Variants in TTC28 observed in about 807,000 individuals in gnomAD.
TTC28 encodes the protein tetratricopeptide repeat domain 28.
A neutral mutation model predicts 198.0 loss-of-function variants in TTC28; 61 were observed. The observed-to-expected ratio is 0.31, with a 90% CI of 0.25 to 0.38. The LOEUF (loss-of-function observed/expected upper bound fraction) is 0.38. Among genes scored for constraint, TTC28 ranks in the 10% least tolerant of loss-of-function variants. The probability of loss-of-function intolerance (pLI) is 1.00; values close to 1 mark genes in which losing one functional copy is unlikely to be tolerated. For missense variants in TTC28, 2,678 were observed against 3,164.0 expected, an observed-to-expected ratio of 0.85 and a Z score of 3.69; for synonymous variants, 1,171 against 1,297.8, an observed-to-expected ratio of 0.90 and a Z score of 2.10.
chr22:28,568,314 T>C (rs970014391), intron 2 of TTC28, among the ~76,000 whole-genome samples: 6 of 152,194 alleles, frequency 3.9e-5, no homozygotes, highest in Admixed American at 3.9e-4. Context: ...AATGTGAATA[T>C]GGTTAATGCC....
intron 5 of TTC28, among the ~76,000 whole-genome samples, chr22:28,291,313 T>G (rs1490758471): frequency 6.6e-6 from 1 of 151,922 alleles, no homozygotes; most frequent in Admixed American, 6.6e-5. Context: ...GCCTAACAGC[T>G]CAGTGGGATG....
At chr22:28,464,280 A>C (rs2047989337) in intron 2 of TTC28, among the ~76,000 whole-genome samples, 1 of 152,224 alleles carries the variant, frequency 6.6e-6, no homozygotes, top group Admixed American at 6.5e-5. Flanking sequence ...GTGATACTGG[A>C]GTTTTAAATT....
intron 2 of TTC28, among the ~76,000 whole-genome samples, chr22:28,499,854 T>C (rs536504646): frequency 2.1e-4 from 32 of 152,130 alleles, no homozygotes; most frequent in South Asian, 2.1e-4. Flanking sequence ...CACAGTGACA[T>C]TGCAATACAT....
intron 2 of TTC28, among the ~76,000 whole-genome samples, chr22:28,477,731 G>C (rs1053980155): frequency 9.2e-5 from 14 of 152,130 alleles, no homozygotes; most frequent in Non-Finnish European, 1.8e-4. Flanking sequence ...TGACCAATGG[G>C]ATGTCAGCAA....
At chr22:28,322,014 TA>T in intron 2 of TTC28, among the ~76,000 whole-genome samples, 1 of 152,278 alleles carries the variant, frequency 6.6e-6, no homozygotes, top group East Asian at 1.9e-4. Context: ...GTATTTTTAG[TA>T]GAGACAGGGT....
chr22:28,458,138 G>T (rs1365074707), intron 2 of TTC28, among the ~76,000 whole-genome samples: 1 of 151,992 alleles, frequency 6.6e-6, no homozygotes, highest in Non-Finnish European at 1.5e-5. Context: ...AAATATGTTT[G>T]CTGTGTTTTT....
At chr22:28,153,389 A>G (rs1279718987) in intron 6 of TTC28, among the ~76,000 whole-genome samples, 1 of 144,864 alleles carries the variant, frequency 6.9e-6, no homozygotes, top group East Asian at 2.0e-4. Context: ...CAGAAACTCA[A>G]AGAATTAAAA....
At chr22:28,403,269 C>T (rs2046946907) in intron 2 of TTC28, among the ~76,000 whole-genome samples, 1 of 152,194 alleles carries the variant, frequency 6.6e-6, no homozygotes, top group Non-Finnish European at 1.5e-5. Context: ...AAGGCTGACA[C>T]ATGGAAAAAC....
At chr22:28,421,485 T>C (rs1601375377) in intron 2 of TTC28, among the ~76,000 whole-genome samples, 1 of 152,304 alleles carries the variant, frequency 6.6e-6, no homozygotes, top group Non-Finnish European at 1.5e-5. Flanking sequence ...ATTTCTCTGA[T>C]GACTAATGAG....
chr22:28,450,988 A>G (rs558423901), intron 2 of TTC28, among the ~76,000 whole-genome samples: 189 of 152,302 alleles, frequency 1.2e-3, no homozygotes, highest in African/African-American at 3.9e-3. Context: ...GAGTTGAGAA[A>G]ACAGAGATCA....
chr22:28,038,697 C>T (rs1939470676), intron 12 of TTC28, among the ~76,000 whole-genome samples: 1 of 152,164 alleles, frequency 6.6e-6, no homozygotes, highest in African/African-American at 2.4e-5. Context: ...AGAGCTTCTG[C>T]ACAGCAAAAG....
At chr22:28,532,818 C>A (rs1474030305) in intron 2 of TTC28, among the ~76,000 whole-genome samples, 1 of 152,168 alleles carries the variant, frequency 6.6e-6, no homozygotes, top group Non-Finnish European at 1.5e-5. Context: ...ACATGATTAT[C>A]TCAATAGATG....
Position 28,032,168 on chromosome 22 carries a change from G to GTA in TTC28, c.3933-1804_3933-1803dup, listed in dbSNP as rs375645095. Among the ~76,000 whole-genome samples the GTA allele has an allele frequency of 7.5e-3, 678 of 91,006 alleles. 9 individuals are homozygous for GTA. Among genetic ancestry groups the GTA allele is most frequent in the Middle Eastern group, 0.014 (2 of 142 alleles). 59.7% of individuals were successfully genotyped at this position (91,006 alleles called of 152,430 possible). A position where few individuals can be genotyped will look rare whatever the true frequency, so the allele number is the denominator to read the frequency against. ...TCCTATTTATATCTACTTAGTGTGT[G>GTA]TATATATATATATATATATAAAATA... On this transcript the variant is annotated intron_variant, in intron 12 of 22. Coordinates refer to ENST00000397906, the MANE Select transcript of TTC28 (RefSeq NM_001145418.2).
chr22:28,478,987 A>G (rs2146317321), intron 2 of TTC28, among the ~76,000 whole-genome samples: 1 of 152,312 alleles, frequency 6.6e-6, no homozygotes, highest in East Asian at 1.9e-4. Flanking sequence ...ATGCCAACTT[A>G]TAAACTCCAT....
chr22:28,134,595 T>C (rs1310526215), intron 6 of TTC28, among the ~76,000 whole-genome samples: 1 of 152,138 alleles, frequency 6.6e-6, no homozygotes, highest in Non-Finnish European at 1.5e-5. Context: ...AGAAAGGGTA[T>C]CAGTGATTGA....
chr22:28,207,280 C>T (rs1425110360), intron 5 of TTC28, among the ~76,000 whole-genome samples: 1 of 148,930 alleles, frequency 6.7e-6, no homozygotes, highest in Admixed American at 6.7e-5. Flanking sequence ...TTCTTTATAG[C>T]TGTGATATCA....
chr22:28,022,908 C>G (rs1601527064), intron 13 of TTC28, among the ~76,000 whole-genome samples: 1 of 152,242 alleles, frequency 6.6e-6, no homozygotes, highest in Non-Finnish European at 1.5e-5. Context: ...GGAGGTGAAC[C>G]TGGTGAACAC....
At chr22:28,287,365 A>G (rs1185491080) in intron 5 of TTC28, among the ~76,000 whole-genome samples, 1 of 152,200 alleles carries the variant, frequency 6.6e-6, no homozygotes, top group Admixed American at 6.5e-5. Context: ...AAATGCAATG[A>G]CCTTGGGATA....
At chr22:28,544,537 G>C (rs2049493509) in intron 2 of TTC28, among the ~76,000 whole-genome samples, 1 of 152,124 alleles carries the variant, frequency 6.6e-6, no homozygotes, top group African/African-American at 2.4e-5. Context: ...TCTTGATTAG[G>C]GGATGGATAA....
Sources: allele counts gnomAD v4.1 joint callset (sites outside exome capture counted in the v4.1 genomes callset), GRCh38; gene constraint gnomAD v4.1.1; transcripts MANE v1.5; gene names NCBI Gene and HGNC (gene_info 2026-07-23, HGNC 2026-07-21).